OPRM1: variants seen among roughly 807,000 people sequenced by gnomAD.
OPRM1 encodes opioid receptor mu 1, also known as mu-type opioid receptor.
In OPRM1, 27 loss-of-function variants were observed where a neutral mutation model predicts 31.8. The ratio of observed to expected loss-of-function variants is 0.85; its 90% confidence interval spans 0.63 to 1.17. The LOEUF is 1.17. OPRM1 is among the 50% of genes most tolerant of loss of function. The pLI is 0.00. For synonymous variants in OPRM1, 196 were observed against 189.9 expected, an observed-to-expected ratio of 1.03 and a Z score of -0.26; for missense variants, 536 against 511.1, an observed-to-expected ratio of 1.05 and a Z score of -0.47.
chr6:154,015,471 A>G (rs907000375), intron 1 of OPRM1, among the ~76,000 whole-genome samples: 2 of 152,076 alleles, frequency 1.3e-5, no homozygotes, highest in African/African-American at 4.8e-5. Context: ...AAAGACAAAA[A>G]TTAGATCAGT....
chr6:154,117,858 G>GGTGTGTGTGTGTGTGTGTGTGT (rs60794328), intron 3 of OPRM1, among the ~76,000 whole-genome samples: 16 of 145,658 alleles, frequency 1.1e-4, no homozygotes, highest in South Asian at 4.5e-4. Context: ...TTAAAAAGAT[G>GGTGTGTGTGTGTGTGTGTGTGT]GTGTGTGTGT....
Position 154,118,757 on chromosome 6 carries a change from A to G in OPRM1, c.*36A>G. 1 of 1,611,748 alleles carries G rather than the reference A, an allele frequency of 6.2e-7. No homozygotes were observed. Among genetic ancestry groups the G allele is most frequent in the Non-Finnish European group, 8.5e-7 (1 of 1,179,182 alleles). On this transcript the variant is annotated 3_prime_UTR_variant, in exon 4 of 4. Coordinates refer to ENST00000330432, the MANE Select transcript of OPRM1 (RefSeq NM_000914.5). ...TGCCATTCCGACCTTCACCAAGCTT[A>G]GAAGCCACCATGTATGTGGAAGCAG... is the stretch of plus-strand genomic sequence containing the variant.
intron 3 of OPRM1, among the ~76,000 whole-genome samples, chr6:154,183,036 G>A (rs1310289665): frequency 4.0e-5 from 6 of 151,886 alleles, no homozygotes; most frequent in Admixed American, 6.6e-5. Context: ...CTGGAGTGCA[G>A]TGGTGTGATC....
Position 154,221,479 on chromosome 6 carries a change from T to G in OPRM1, c.1165-25214T>G, listed in dbSNP as rs1778851676. On this transcript the variant is annotated intron_variant, in intron 3 of 3. Transcript: ENST00000337049. ...TAATTTAGTAATATTAGATACCTAT[T>G]GTCTAGTCTCTGTTTCATATAGAGA... The G allele has an allele frequency of 9.2e-6, 6 of 654,918 alleles. No homozygotes were observed. The South Asian group carries it at 1.2e-4, about 13-fold the overall frequency. The allele number at this position is 654,918 out of a possible 1,614,324, so 40.6% of individuals were successfully genotyped here.
chr6:154,231,168 T>C (rs535479193), intron 3 of OPRM1, among the ~76,000 whole-genome samples: 1 of 152,254 alleles, frequency 6.6e-6, no homozygotes, highest in South Asian at 2.1e-4. Flanking sequence ...ACACACAGAC[T>C]CATGACCACT....
chr6:154,131,284 T>G lies in OPRM1; in HGVS notation c.*12563T>G, dbSNP rs1276793653. Among the ~76,000 whole-genome samples, 2 of 152,222 alleles carry G rather than the reference T, an allele frequency of 1.3e-5. No homozygotes were observed. Among genetic ancestry groups the G allele is most frequent in the African/African-American group, 4.8e-5 (2 of 41,472 alleles). ...AATCTGAGTAAATGAGAGCCTCTCATGGTTGATTAAGTTCAGACATTTTAA... is the reference window on the plus strand; with the variant it reads ...AATCTGAGTAAATGAGAGCCTCTCAGGGTTGATTAAGTTCAGACATTTTAA... On this transcript the variant is annotated 3_prime_UTR_variant, in exon 4 of 4. Coordinates refer to ENST00000330432, the MANE Select transcript of OPRM1 (RefSeq NM_000914.5).
intron 3 of OPRM1, among the ~76,000 whole-genome samples, chr6:154,187,156 C>T (rs1048889488): frequency 6.6e-6 from 1 of 151,980 alleles, no homozygotes; most frequent in African/African-American, 2.4e-5. Context: ...TTGGCTCACC[C>T]TCTCCCCTCC....
intron 1 of OPRM1, among the ~76,000 whole-genome samples, chr6:154,070,626 A>G (rs1786503139): frequency 6.6e-6 from 1 of 152,242 alleles, no homozygotes; most frequent in South Asian, 2.1e-4. Flanking sequence ...TTTTGGTAAT[A>G]TCTTCGCCAC....
At chr6:154,046,363 G>C (rs759548874) in intron 1 of OPRM1, among the ~76,000 whole-genome samples, 1 of 152,094 alleles carries the variant, frequency 6.6e-6, no homozygotes, top group Non-Finnish European at 1.5e-5. Context: ...CTTGAGCTCA[G>C]GATAATAGGA....
intron 1 of OPRM1, among the ~76,000 whole-genome samples, chr6:154,027,075 T>C (rs989194463): frequency 1.3e-5 from 2 of 152,206 alleles, no homozygotes; most frequent in African/African-American, 4.8e-5. Flanking sequence ...CAGCCTGGTC[T>C]TGTTTGTATT....
chr6:154,200,634 T>A (rs534206898), intron 3 of OPRM1, among the ~76,000 whole-genome samples: 41 of 152,088 alleles, frequency 2.7e-4, no homozygotes, highest in African/African-American at 9.2e-4. Flanking sequence ...GGCAGGAGAA[T>A]CACTTGAACC....
rs917304282 is a variant in OPRM1, at chr6:154,164,659, G to A, written c.1164+73187G>A. ...ACTCCAAATAGTCAGTGTGTGGCTC[G>A]ACTCAAGACCTAAGCATTGGAAATG... On this transcript the variant is annotated intron_variant, in intron 3 of 3. Coordinates refer to the OPRM1 transcript ENST00000337049. Among the ~76,000 whole-genome samples the A allele has an allele frequency of 7.9e-5, 12 of 152,142 alleles. No individual in the cohort carries two copies. The East Asian group carries it at 1.5e-3, about 20-fold the overall frequency.
intron 3 of OPRM1, among the ~76,000 whole-genome samples, chr6:154,164,743 A>G (rs1037398393): frequency 6.6e-6 from 1 of 152,252 alleles, no homozygotes; most frequent in Non-Finnish European, 1.5e-5. Flanking sequence ...CATAGGTCAG[A>G]GTAACTCAGA....
chr6:154,011,527 G>A (rs1777726796), intron 1 of OPRM1, among the ~76,000 whole-genome samples: 1 of 152,146 alleles, frequency 6.6e-6, no homozygotes, highest in African/African-American at 2.4e-5. Flanking sequence ...CTATATGCAT[G>A]TGTATTCAAC....
At chr6:154,023,931 A>G (rs1425682793) in intron 1 of OPRM1, among the ~76,000 whole-genome samples, 2 of 152,038 alleles carry the variant, frequency 1.3e-5, no homozygotes, top group African/African-American at 4.8e-5. Context: ...ATATTGTTGA[A>G]TTCAGGTTGC....
chr6:154,159,968 C>G, intron 3 of OPRM1: 1 of 1,613,280 alleles, frequency 6.2e-7, no homozygotes, highest in Non-Finnish European at 8.5e-7. Flanking sequence ...ACTTTCCACT[C>G]TCTGTATTTC....
In OPRM1 at chr6:154,119,169, T is replaced by G; in HGVS notation, c.*448T>G. On this transcript the variant is annotated 3_prime_UTR_variant, in exon 4 of 4. Coordinates refer to ENST00000330432, the MANE Select transcript of OPRM1 (RefSeq NM_000914.5). ...ATGGAAGGTCCGAGTCTTTTTAGTG[T>G]TTTGCAAGGGAATGAATCCATTATT... 3 of 987,876 alleles carry G rather than the reference T, an allele frequency of 3.0e-6. No homozygotes were observed. Among genetic ancestry groups the G allele is most frequent in the Non-Finnish European group, 3.6e-6 (3 of 831,348 alleles). The allele number at this position is 987,876 out of a possible 1,614,324, so 61.2% of individuals were successfully genotyped here.
At chr6:154,089,442 A>G (rs1267551078) in intron 1 of OPRM1, among the ~76,000 whole-genome samples, 1 of 152,052 alleles carries the variant, frequency 6.6e-6, no homozygotes. Flanking sequence ...TTTAAAATTA[A>G]CAGGGTATGG....
At chr6:154,211,380 G>C (rs530889407) in intron 3 of OPRM1, among the ~76,000 whole-genome samples, 63 of 151,660 alleles carry the variant, frequency 4.2e-4, no homozygotes, top group Non-Finnish European at 5.6e-4. Flanking sequence ...CTGCACTCCA[G>C]GCCGGGTGAC....
Sources: allele counts gnomAD v4.1 joint callset (sites outside exome capture counted in the v4.1 genomes callset), GRCh38; gene constraint gnomAD v4.1.1; transcripts MANE v1.5; gene names NCBI Gene and HGNC (gene_info 2026-07-23, HGNC 2026-07-21).